The following DPPA2 variants were observed in gnomAD, a reference collection of about 807,000 sequenced individuals.
DPPA2 encodes developmental pluripotency associated 2, also known as developmental pluripotency-associated protein 2.
DPPA2 carries 26 observed loss-of-function variants against 36.2 expected under a neutral mutation model. That is an observed-to-expected ratio of 0.72 (90% CI 0.53 to 1.00). DPPA2 has a LOEUF of 1.00. Ranked by LOEUF, DPPA2 falls within the 50% of genes least tolerant of loss-of-function variation. The pLI, the probability that DPPA2 is intolerant of heterozygous loss-of-function variation, is 0.00. For synonymous variants in DPPA2, 113 were observed against 123.2 expected, an observed-to-expected ratio of 0.92 and a Z score of 0.55; for missense variants, 361 against 365.1, an observed-to-expected ratio of 0.99 and a Z score of 0.09.
Position 109,300,373 on chromosome 3 carries a change from T to C in DPPA2, c.*20A>G. The C allele has an allele frequency of 2.5e-6, 4 of 1,611,438 alleles. No individual in the cohort carries two copies. Among genetic ancestry groups the C allele is most frequent in the Non-Finnish European group, 3.4e-6 (4 of 1,177,778 alleles). On this transcript the variant is annotated splice_region_variant and 3_prime_UTR_variant, in exon 8 of 9. Transcript: ENST00000478945. ...GGTGGCATATTCTCATCTCTTACAT[T>C]GTATTCAAACAGGTTGCTGCTACTT... is the stretch of plus-strand genomic sequence containing the variant.
At chr3:109,310,705 T>C (rs753894678) in intron 3 of DPPA2, among the ~76,000 whole-genome samples, 9 of 151,260 alleles carry the variant, frequency 6.0e-5, no homozygotes, top group East Asian at 2.0e-4. Flanking sequence ...GGTGTTTCAC[T>C]ATGTTGGCCA....
intron 8 of DPPA2, among the ~76,000 whole-genome samples, chr3:109,296,893 C>A (rs993433391): frequency 6.6e-6 from 1 of 151,996 alleles, no homozygotes; most frequent in Admixed American, 6.6e-5. Flanking sequence ...TCGAGACCAG[C>A]CTGGGCAACA....
intron 3 of DPPA2, among the ~76,000 whole-genome samples, chr3:109,312,180 A>G (rs1707722239): frequency 6.6e-6 from 1 of 152,126 alleles, no homozygotes; most frequent in Non-Finnish European, 1.5e-5. Flanking sequence ...CTAAAAATAC[A>G]AAAATTAGCC....
At chr3:109,311,982 G>A (rs1434449873) in intron 3 of DPPA2, among the ~76,000 whole-genome samples, 1 of 152,202 alleles carries the variant, frequency 6.6e-6, no homozygotes, top group African/African-American at 2.4e-5. Flanking sequence ...TTGAACTCAT[G>A]TGGAGCTGGT....
At chr3:109,313,530 G>A (rs905056229) in intron 2 of DPPA2, among the ~76,000 whole-genome samples, 22 of 152,236 alleles carry the variant, frequency 1.4e-4, no homozygotes, top group African/African-American at 5.1e-4. Context: ...CACTATGCTA[G>A]GTGTTCTTTA....
chr3:109,300,272 TA>T lies in DPPA2; in HGVS notation c.*22+98del, dbSNP rs1023058911. 4.2e-5 allele frequency: 40 copies of T among 949,098 alleles called. 1 individual carries two copies. The highest frequency in any genetic ancestry group is 8.2e-5 in the African/African-American group (5 of 61,126). The allele number at this position is 949,098 out of a possible 1,614,324, so 58.8% of individuals were successfully genotyped here. A position where few individuals can be genotyped will look rare whatever the true frequency, so the allele number is the denominator to read the frequency against. On this transcript the variant is annotated intron_variant, in intron 8 of 8. Coordinates refer to ENST00000478945, the MANE Select transcript of DPPA2 (RefSeq NM_138815.4). ...CATTTATGTCCTGTTTTTTAGTGAATAGGGGGAAGGCAGAGAGTTTCTCTTG... is the reference window on the plus strand; with the variant it reads ...CATTTATGTCCTGTTTTTTAGTGAATGGGGGAAGGCAGAGAGTTTCTCTTG...
intron 6 of DPPA2, among the ~76,000 whole-genome samples, chr3:109,307,631 G>T (rs956627583): frequency 3.4e-5 from 5 of 148,400 alleles, no homozygotes; most frequent in African/African-American, 1.2e-4. Flanking sequence ...AAAAAGAACA[G>T]GATACTAAGG....
Position 109,314,731 on chromosome 3 carries a change from A to C in DPPA2, c.-13-176T>G, listed in dbSNP as rs117498359. Among the ~76,000 whole-genome samples, 286 of 152,050 alleles carry C rather than the reference A, an allele frequency of 1.9e-3. 10 individuals carry two copies. The East Asian group carries it at 0.047, about 25-fold the overall frequency. On this transcript the variant is annotated intron_variant, in intron 1 of 8. Coordinates refer to ENST00000478945, the MANE Select transcript of DPPA2 (RefSeq NM_138815.4). ...TTCTGGTAATGGGATAATTTTATCAATTTTATACCCTGTCTTGTCCATTCA... is the reference window on the plus strand; with the variant it reads ...TTCTGGTAATGGGATAATTTTATCACTTTTATACCCTGTCTTGTCCATTCA...
chr3:109,308,955 G>GT (rs1470410301), intron 5 of DPPA2, 71 bp downstream of exon 5: 7 of 1,556,888 alleles, frequency 4.5e-6, no homozygotes, highest in Middle Eastern at 2.0e-4. Context: ...CATAGATATG[G>GT]TGCGACGGTA....
intron 8 of DPPA2, among the ~76,000 whole-genome samples, chr3:109,298,162 A>AT (rs1707386294): frequency 6.6e-6 from 1 of 152,172 alleles, no homozygotes; most frequent in Non-Finnish European, 1.5e-5. Flanking sequence ...AACACAAGGG[A>AT]TTTCTAAGGT....
In DPPA2 at chr3:109,312,554, A is replaced by G; in HGVS notation, c.172T>C (p.Tyr58His). Residue 58 changes from tyrosine (Y) to histidine (H), a missense_variant, in exon 3 of 9, where the codon TAC becomes CAC. Transcript: ENST00000478945. The part of the protein sequence containing the change: ...SDVKLEKPKK[Y>H]NPGHLLQTNE... ...ATCCCTGTCCTCATACCTGGATTGT[A>G]TTTCTTAGGCTTCTCCAGTTTGACA... 6.2e-7 allele frequency: 1 copy of G among 1,612,946 alleles called. No individual in the cohort carries two copies. The highest frequency in any genetic ancestry group is 8.5e-7 in the Non-Finnish European group (1 of 1,179,312).
Position 109,304,493 on chromosome 3 carries a change from C to T in DPPA2, c.836G>A (p.Cys279Tyr), listed in dbSNP as rs1394594594. The T allele has an allele frequency of 2.1e-5, 34 of 1,613,020 alleles. No individual in the cohort carries two copies. The highest frequency in any genetic ancestry group is 3.3e-5 in the South Asian group (3 of 90,922). The change falls in exon 7 of 9, where the codon TGC becomes TAC. Residue 279 changes from cysteine (C) to tyrosine (Y), a missense_variant. Cys to Tyr is a radical substitution (Grantham distance 194). Transcript: ENST00000478945. ...GGGTTACCTCTTAGCACAGTCGGGG[C>T]ATAACATATTATCTTCTATGCCTGG... Reference protein sequence around the residue: ...PSPGIEDNMLCPDCAKRNKKM... With the variant: ...PSPGIEDNMLYPDCAKRNKKM...
rs1267366015 is a variant in DPPA2, at chr3:109,312,531, C to A, written c.181+14G>T. 6.2e-7 allele frequency: 1 copy of A among 1,609,154 alleles called. No individual in the cohort carries two copies. The highest frequency in any genetic ancestry group is 8.5e-7 in the Non-Finnish European group (1 of 1,176,938). On this transcript the variant is annotated intron_variant, in intron 3 of 8. Coordinates refer to ENST00000478945, the MANE Select transcript of DPPA2 (RefSeq NM_138815.4). ...TTGTAGGAGTAACTAACTGAGCAAT[C>A]CCTGTCCTCATACCTGGATTGTATT...
At chr3:109,300,549 T>G in intron 7 of DPPA2, 114 bp from the exon 8 acceptor site, 2 of 1,041,570 alleles carry the variant, frequency 1.9e-6, no homozygotes, top group Non-Finnish European at 3.0e-6. Context: ...GGGCCGGGTG[T>G]GGTGGCTCAC....
At chr3:109,300,898 A>G (rs1422515176) in intron 7 of DPPA2, among the ~76,000 whole-genome samples, 5 of 151,892 alleles carry the variant, frequency 3.3e-5, no homozygotes, top group African/African-American at 1.2e-4. Flanking sequence ...AATGGTGCAC[A>G]AAAAGACTTT....
chr3:109,307,431 C>G (rs1369707093), intron 6 of DPPA2, among the ~76,000 whole-genome samples: 1 of 151,370 alleles, frequency 6.6e-6, no homozygotes, highest in Non-Finnish European at 1.5e-5. Flanking sequence ...GTGAAACCCC[C>G]TCTCTACTAA....
intron 8 of DPPA2, among the ~76,000 whole-genome samples, chr3:109,298,809 C>T (rs2107302028): frequency 6.6e-6 from 1 of 151,692 alleles, no homozygotes; most frequent in African/African-American, 2.4e-5. Flanking sequence ...GAGTGGATTG[C>T]TTGAGCTCAG....
chr3:109,308,165 A>G lies in DPPA2; in HGVS notation c.525T>C (p.Val175=). The change falls in exon 6 of 9, where the codon GTT becomes GTC. Residue 175 remains valine, a synonymous_variant. Transcript: ENST00000478945. ...MNERAEETNT[V]EVITSAPGAM... The stretch of plus-strand genomic sequence containing the variant: ...CTCCCGGTGCTGAAGTTATCACTTC[A>G]ACTGTATTGGTCTCTTCTGCTCTCT... 6.2e-7 allele frequency: 1 copy of G among 1,614,140 alleles called. No individual in the cohort carries two copies. Among genetic ancestry groups the G allele is most frequent in the South Asian group, 1.1e-5 (1 of 91,072 alleles).
At chr3:109,304,324 G>T (rs1181658968) in intron 7 of DPPA2, 151 bp downstream of exon 7, 1 of 728,678 alleles carries the variant, frequency 1.4e-6, no homozygotes, top group Non-Finnish European at 2.2e-6. Flanking sequence ...TCACTAGTGA[G>T]TTCTTCTTGC....
Sources: gnomAD v4.1 joint callset for allele counts (sites outside exome capture counted in the v4.1 genomes callset) on GRCh38, gnomAD v4.1.1 for gene constraint, MANE v1.5 for transcripts, NCBI Gene and HGNC (gene_info 2026-07-23, HGNC 2026-07-21) for gene names.